Variants in ARSB observed in about 807,000 individuals in gnomAD.
ARSB encodes arylsulfatase B.
ARSB carries 41 observed loss-of-function variants against 50.9 expected under a neutral mutation model. That is an observed-to-expected ratio of 0.81 (90% CI 0.63 to 1.04). The LOEUF is 1.04. Among genes scored for constraint, ARSB ranks in the 50% least tolerant of loss-of-function variants. The probability of loss-of-function intolerance (pLI) is 0.00; values close to 1 mark genes in which losing one functional copy is unlikely to be tolerated. For missense variants in ARSB, 672 were observed against 693.3 expected (o/e 0.97, Z 0.35); for synonymous variants, 269 against 284.8 (o/e 0.94, Z 0.56).
At chr5:78,804,892 G>A (rs1580985425) in intron 6 of ARSB, among the ~76,000 whole-genome samples, 1 of 152,302 alleles carries the variant, frequency 6.6e-6, no homozygotes, top group Non-Finnish European at 1.5e-5. Context: ...GCCACTTGAG[G>A]GCAGGGACTA....
chr5:78,808,206 G>A (rs1024416595), intron 6 of ARSB, among the ~76,000 whole-genome samples: 1 of 151,242 alleles, frequency 6.6e-6, no homozygotes, highest in African/African-American at 2.4e-5. Context: ...TCAACTTGTG[G>A]CCAATTTTCT....
chr5:78,812,521 G>C (rs929252510), intron 6 of ARSB, among the ~76,000 whole-genome samples: 3 of 150,910 alleles, frequency 2.0e-5, no homozygotes, highest in Non-Finnish European at 4.4e-5. Context: ...ATGCTAATAC[G>C]ATTAAAATGA....
chr5:78,931,334 T>C (rs1252211672), intron 4 of ARSB, among the ~76,000 whole-genome samples: 4 of 152,190 alleles, frequency 2.6e-5, no homozygotes, highest in African/African-American at 9.7e-5. Flanking sequence ...TCACTTTTGT[T>C]TTTTCAACTG....
intron 4 of ARSB, among the ~76,000 whole-genome samples, chr5:78,894,934 A>C (rs1379086041): frequency 2.0e-5 from 3 of 152,204 alleles, no homozygotes; most frequent in African/African-American, 7.2e-5. Context: ...CATGGAAGGC[A>C]GCCTGGAGCT....
At chr5:78,954,643 T>C (rs993592620) in intron 4 of ARSB, among the ~76,000 whole-genome samples, 4 of 152,160 alleles carry the variant, frequency 2.6e-5, no homozygotes, top group Admixed American at 2.0e-4. Context: ...TAGCTGGGAC[T>C]ACATGCACTC....
chr5:78,865,607 C>G (rs943087755), intron 5 of ARSB, among the ~76,000 whole-genome samples: 1 of 152,204 alleles, frequency 6.6e-6, no homozygotes, highest in African/African-American at 2.4e-5. Context: ...GCTTGAATTT[C>G]TACTCAGAAA....
intron 4 of ARSB, among the ~76,000 whole-genome samples, chr5:78,886,857 A>G (rs1004403293): frequency 6.6e-6 from 1 of 152,230 alleles, no homozygotes; most frequent in Non-Finnish European, 1.5e-5. Flanking sequence ...ATAAAAATTT[A>G]TTAAGAAATC....
intron 5 of ARSB, among the ~76,000 whole-genome samples, chr5:78,869,826 A>T (rs895000081): frequency 1.4e-5 from 2 of 147,328 alleles, no homozygotes; most frequent in African/African-American, 2.5e-5. Flanking sequence ...AGCAGAACTG[A>T]AGGAAATAGA....
At chr5:78,786,569 C>T (rs570911862) in intron 6 of ARSB, among the ~76,000 whole-genome samples, 4 of 152,108 alleles carry the variant, frequency 2.6e-5, no homozygotes, top group South Asian at 2.1e-4. Context: ...TTTAACCTTT[C>T]GAGTAACTGC....
At chr5:78,788,247 T>C (rs1271198407) in intron 6 of ARSB, among the ~76,000 whole-genome samples, 1 of 152,184 alleles carries the variant, frequency 6.6e-6, no homozygotes, top group East Asian at 1.9e-4. Flanking sequence ...TAGCCGTGTG[T>C]ATTGATTTTG....
chr5:78,866,360 C>T (rs769808498), intron 5 of ARSB, among the ~76,000 whole-genome samples: 6 of 152,098 alleles, frequency 3.9e-5, no homozygotes, highest in Non-Finnish European at 8.8e-5. Context: ...ATCATGAGAA[C>T]AGCATAGGAA....
chr5:78,934,469 AATAT>A (rs1750493870), intron 4 of ARSB, among the ~76,000 whole-genome samples: 1 of 152,148 alleles, frequency 6.6e-6, no homozygotes, highest in Non-Finnish European at 1.5e-5. Flanking sequence ...ATATTATAAT[AATAT>A]ATATACTTAA....
In ARSB at chr5:78,824,786, T is replaced by C. The variant is rs191598865; in HGVS notation, c.1213+14570A>G. On this transcript the variant is annotated intron_variant, in intron 6 of 7. Transcript: ENST00000264914. ...ACAGTAGCTCATAACTATCTGTGAT[T>C]TTCTGAAGTAGGAAAACAATGCCAA... 3.0e-4 allele frequency among the ~76,000 whole-genome samples: 45 copies of C among 152,228 alleles called. No individual in the cohort carries two copies. The East Asian group carries it at 8.3e-3, about 28-fold the overall frequency.
intron 6 of ARSB, among the ~76,000 whole-genome samples, chr5:78,807,441 G>A (rs1444708692): frequency 6.6e-6 from 1 of 152,128 alleles, no homozygotes; most frequent in African/African-American, 2.4e-5. Flanking sequence ...TACAACCTCA[G>A]GAAAGCATAC....
intron 5 of ARSB, among the ~76,000 whole-genome samples, chr5:78,869,695 C>T (rs796634758): frequency 0.025 from 3,746 of 150,070 alleles, 103 homozygotes; most frequent in South Asian, 0.1. Context: ...GCACTAAATG[C>T]CCACAAGAGA....
Position 78,780,042 on chromosome 5 carries a change from G to A in ARSB, c.*355C>T. ...ACTCCAATAAAACTGGCTATTGGCA[G>A]AGGGGAATCGAACGTCTGACTTGTG... On this transcript the variant is annotated 3_prime_UTR_variant, in exon 8 of 8. Transcript: ENST00000264914. 3.2e-6 allele frequency: 1 copy of A among 314,482 alleles called. No individual in the cohort carries two copies. Among genetic ancestry groups the A allele is most frequent in the Middle Eastern group, 1.1e-3 (1 of 896 alleles). 19.5% of individuals were successfully genotyped at this position (314,482 alleles called of 1,614,324 possible). A position where few individuals can be genotyped will look rare whatever the true frequency, so the allele number is the denominator to read the frequency against.
intron 5 of ARSB, among the ~76,000 whole-genome samples, chr5:78,842,856 G>T (rs1745289478): frequency 7.0e-6 from 1 of 141,914 alleles, no homozygotes. Context: ...GGAAATTTTT[G>T]ATATCAATAA....
intron 5 of ARSB, among the ~76,000 whole-genome samples, chr5:78,845,301 T>C (rs1745394982): frequency 6.6e-6 from 1 of 152,156 alleles, no homozygotes; most frequent in South Asian, 2.1e-4. Context: ...AAGTTGATTC[T>C]ATATCTTGGG....
intron 5 of ARSB, among the ~76,000 whole-genome samples, chr5:78,865,860 T>G (rs1746691925): frequency 6.6e-6 from 1 of 152,206 alleles, no homozygotes; most frequent in Non-Finnish European, 1.5e-5. Flanking sequence ...AGAGTCACCT[T>G]TGCTCCAGTT....
Sources: gnomAD v4.1 joint callset for allele counts (sites outside exome capture counted in the v4.1 genomes callset) on GRCh38, gnomAD v4.1.1 for gene constraint, MANE v1.5 for transcripts, NCBI Gene and HGNC (gene_info 2026-07-23, HGNC 2026-07-21) for gene names.